The following RBPJL variants were observed in gnomAD, a reference collection of about 807,000 sequenced individuals.
The protein encoded by RBPJL is recombining binding protein suppressor of hairless-like protein.
Under a neutral mutation model 57.6 loss-of-function variants are expected in RBPJL, and 50 were observed. The observed-to-expected ratio is 0.87, with a 90% CI of 0.69 to 1.10. The LOEUF (loss-of-function observed/expected upper bound fraction) is 1.10, where lower values mean the gene tolerates loss of function less well. Among genes scored for constraint, RBPJL ranks in the 50% least tolerant of loss-of-function variants. RBPJL has a pLI of 0.00. For synonymous variants in RBPJL, 303 were observed against 294.4 expected, an observed-to-expected ratio of 1.03 and a Z score of -0.30; for missense variants, 684 against 693.7, an observed-to-expected ratio of 0.99 and a Z score of 0.16.
intron 9 of RBPJL, 66 bp downstream of exon 9, chr20:45,314,631 T>A: frequency 1.3e-6 from 2 of 1,492,690 alleles, no homozygotes; most frequent in Non-Finnish European, 1.8e-6. Context: ...CCACAGAATG[T>A]AAGATCATCA....
chr20:45,315,995 G>A (rs1351786497), intron 9 of RBPJL, 192 bp from the exon 10 acceptor site: 1 of 414,304 alleles, frequency 2.4e-6, no homozygotes, highest in African/African-American at 2.0e-5. Context: ...AAATCAGCTA[G>A]CTCAACAAGC....
intron 2 of RBPJL, 33 bp downstream of exon 2, chr20:45,308,284 G>A (rs1388573560): frequency 2.1e-6 from 3 of 1,423,664 alleles, no homozygotes; most frequent in Non-Finnish European, 3.0e-6. Flanking sequence ...CCCTAGGTGG[G>A]GACTGCCAGG....
chr20:45,309,823 G>C, intron 3 of RBPJL, 131 bp downstream of exon 3: 1 of 1,202,726 alleles, frequency 8.3e-7, no homozygotes, highest in South Asian at 1.5e-5. Context: ...TGGTCGACCA[G>C]GGCCTTGACC....
At chr20:45,315,934 G>A (rs927788376) in intron 9 of RBPJL, 28 of 383,896 alleles carry the variant, frequency 7.3e-5, no homozygotes, top group African/African-American at 4.8e-4. Flanking sequence ...AAAAAGAAAA[G>A]GAAGGAAGGA....
intron 1 of RBPJL, among the ~76,000 whole-genome samples, chr20:45,307,579 C>T (rs1383562703): frequency 6.6e-6 from 1 of 152,196 alleles, no homozygotes; most frequent in Non-Finnish European, 1.5e-5. Flanking sequence ...CCGGAGATGC[C>T]TCTGGGCCCC....
rs1017641485 is a variant in RBPJL, at chr20:45,312,152, T to C, written c.445-69T>C. 27 of 1,606,090 alleles carry C rather than the reference T, an allele frequency of 1.7e-5. 1 individual carries two copies. In the South Asian group the frequency reaches 2.6e-4, roughly 16 times the overall value. ...TCCGACGGGGCGGACGTCCGATATC[T>C]GGGAGAGGTTGGTTCATCCGACGGG... On this transcript the variant is annotated intron_variant, in intron 5 of 11. Transcript: ENST00000343694.
chr20:45,309,653 A>G lies in RBPJL; in HGVS notation c.218A>G (p.His73Arg). The change falls in exon 3 of 12, where the codon CAT becomes CGT. Residue 73 changes from histidine (H) to arginine (R), a missense_variant. Physicochemically the swap from His to Arg is conservative, Grantham distance 29. Coordinates refer to ENST00000343694, the MANE Select transcript of RBPJL (RefSeq NM_014276.4). Reference sequence around the variant, plus strand: ...TGTGAACAGACTGTGCGGATCCTGCATGCCAAGGTGGCCCAGAAATCATAC... The same window carrying G: ...TGTGAACAGACTGTGCGGATCCTGCGTGCCAAGGTGGCCCAGAAATCATAC... ...QQCEQTVRIL[H>R]AKVAQKSYGN... 2 of 1,613,820 alleles carry G rather than the reference A, an allele frequency of 1.2e-6. No homozygotes were observed. Among genetic ancestry groups the G allele is most frequent in the Non-Finnish European group, 1.7e-6 (2 of 1,179,864 alleles).
chr20:45,312,108 G>T (rs1472642647), intron 5 of RBPJL, 113 bp from the exon 6 acceptor site: 2 of 1,525,696 alleles, frequency 1.3e-6, no homozygotes, highest in Non-Finnish European at 1.8e-6. Context: ...GAGCCTGGAT[G>T]GTGGAGCTTC....
chr20:45,315,522 C>T (rs771565039), intron 9 of RBPJL, among the ~76,000 whole-genome samples: 13 of 151,940 alleles, frequency 8.6e-5, no homozygotes, highest in African/African-American at 2.9e-4. Flanking sequence ...AGGAGGATCA[C>T]GAGGCCAGGA....
In RBPJL at chr20:45,314,042, G is replaced by A; in HGVS notation, c.765G>A (p.Gly255=). Residue 255 remains glycine, a synonymous_variant, in exon 8 of 12, where the codon GGG becomes GGA. Transcript: ENST00000343694. ...WAAFTLHLAD[G]HSAQGDFPPR... Reference sequence around the variant, plus strand: ...GCTTTTTTTGTCCCCCAGCTGATGGGCACTCTGCCCAAGGAGACTTCCCAC... The same window carrying A: ...GCTTTTTTTGTCCCCCAGCTGATGGACACTCTGCCCAAGGAGACTTCCCAC... 3 of 1,613,400 alleles carry A rather than the reference G, an allele frequency of 1.9e-6. No homozygotes were observed. Among genetic ancestry groups the A allele is most frequent in the Non-Finnish European group, 2.5e-6 (3 of 1,179,308 alleles).
At chr20:45,315,994 A>G (rs768989587) in intron 9 of RBPJL, 193 bp from the exon 10 acceptor site, 1 of 413,220 alleles carries the variant, frequency 2.4e-6, no homozygotes, top group Non-Finnish European at 4.3e-6. Context: ...GAAATCAGCT[A>G]GCTCAACAAG....
At position 45,312,089 on chromosome 20, in the gene RBPJL, C is replaced by T; in HGVS notation, c.445-132C>T. 2.7e-6 allele frequency: 4 copies of T among 1,492,184 alleles called. No homozygotes were observed. The South Asian group carries it at 3.5e-5, about 13-fold the overall frequency. 92.4% of individuals were successfully genotyped at this position (1,492,184 alleles called of 1,614,324 possible). A position where few individuals can be genotyped will look rare whatever the true frequency, so the allele number is the denominator to read the frequency against. On this transcript the variant is annotated intron_variant, in intron 5 of 11. Coordinates refer to ENST00000343694, the MANE Select transcript of RBPJL (RefSeq NM_014276.4). The stretch of plus-strand genomic sequence containing the variant: ...GGAGGCCGGGGTCCTGCCTTAAGGC[C>T]GAGCCTGAGAGCCTGGATGGTGGAG...
chr20:45,313,919 C>A, intron 7 of RBPJL, 116 bp from the exon 8 acceptor site: 1 of 791,784 alleles, frequency 1.3e-6, no homozygotes, highest in Non-Finnish European at 2.1e-6. Flanking sequence ...GAGTACCAAG[C>A]TTTCCCGCAG....
At chr20:45,312,835 A>G (rs1001471688) in intron 6 of RBPJL, among the ~76,000 whole-genome samples, 1 of 151,080 alleles carries the variant, frequency 6.6e-6, no homozygotes, top group African/African-American at 2.4e-5. Context: ...ACCAAAAAAA[A>G]AAAAAAAAAA....
intron 2 of RBPJL, 164 bp downstream of exon 2, chr20:45,308,415 G>A: frequency 3.3e-6 from 2 of 597,162 alleles, no homozygotes; most frequent in Non-Finnish European, 6.0e-6. Flanking sequence ...CCTGAGGGGG[G>A]GCAAACCCAG....
chr20:45,312,911 G>C (rs2981388), intron 6 of RBPJL, among the ~76,000 whole-genome samples: 1 of 151,188 alleles, frequency 6.6e-6, no homozygotes, highest in Non-Finnish European at 1.5e-5. Context: ...GGGAGGCTGA[G>C]ATCAGAAGAT....
Position 45,316,223 on chromosome 20 carries a change from C to G in RBPJL, c.1057C>G (p.Leu353Val), listed in dbSNP as rs767364372. The change falls in exon 10 of 12, where the codon CTT becomes GTT. Residue 353 changes from leucine (L) to valine (V), a missense_variant. Transcript: ENST00000343694. ...PCPKEANRAL[L>V]NDSSCWTIIG... ...CCCCAAGGAGGCGAACAGGGCTCTG[C>G]TTAACGACAGCTCTTGCTGGACCAT... 6.2e-7 allele frequency: 1 copy of G among 1,614,266 alleles called. No homozygotes were observed. Among genetic ancestry groups the G allele is most frequent in the South Asian group, 1.1e-5 (1 of 91,088 alleles).
chr20:45,316,391 G>A (rs1441564213), intron 10 of RBPJL, 49 bp downstream of exon 10: 1 of 1,605,410 alleles, frequency 6.2e-7, no homozygotes, highest in Non-Finnish European at 8.5e-7. Flanking sequence ...TGCCTGCACT[G>A]GGCAGTGGTG....
intron 4 of RBPJL, 69 bp from the exon 5 acceptor site, chr20:45,311,770 G>T: frequency 6.5e-7 from 1 of 1,536,486 alleles, no homozygotes; most frequent in South Asian, 1.2e-5. Flanking sequence ...CTCTGGCGGC[G>T]AGCGCTAAGC....
Sources: allele counts gnomAD v4.1 joint callset (sites outside exome capture counted in the v4.1 genomes callset), GRCh38; gene constraint gnomAD v4.1.1; transcripts MANE v1.5; gene names NCBI Gene and HGNC (gene_info 2026-07-23, HGNC 2026-07-21).